The following BBS1 variants were observed in gnomAD, a reference collection of about 807,000 sequenced individuals.
The protein encoded by BBS1 is Bardet-Biedl syndrome 1.
Under a neutral mutation model 73.9 loss-of-function variants are expected in BBS1, and 60 were observed. The observed-to-expected ratio is 0.81, with a 90% CI of 0.66 to 1.01. The LOEUF is 1.01. Among genes scored for constraint, BBS1 ranks in the 50% least tolerant of loss-of-function variants. The probability of loss-of-function intolerance (pLI) is 0.00; values close to 1 mark genes in which losing one functional copy is unlikely to be tolerated. For synonymous variants in BBS1, 283 were observed against 317.4 expected (o/e 0.89, Z 1.15); for missense variants, 718 against 770.3 (o/e 0.93, Z 0.80).
At chr11:66,518,971 C>A (rs930622381) in intron 7 of BBS1, among the ~76,000 whole-genome samples, 2 of 152,270 alleles carry the variant, frequency 1.3e-5, no homozygotes, top group African/African-American at 2.4e-5. Flanking sequence ...CTTTGCTGCC[C>A]AAGCTGGTCT....
chr11:66,517,952 T>TTTTTC (rs1185705176), intron 7 of BBS1, among the ~76,000 whole-genome samples: 1 of 150,712 alleles, frequency 6.6e-6, no homozygotes, highest in African/African-American at 2.4e-5. Context: ...GTCACTTTTT[T>TTTTTC]TTTTCTTTTC....
At chr11:66,530,027 C>T in intron 14 of BBS1, 75 bp downstream of exon 14, 1 of 1,537,742 alleles carries the variant, frequency 6.5e-7, no homozygotes, top group South Asian at 1.2e-5. Flanking sequence ...CTCTGCCACA[C>T]AGCTAAGCCC....
intron 2 of BBS1, 25 bp downstream of exon 2, chr11:66,511,114 T>C (rs778942389): frequency 1.2e-6 from 2 of 1,613,902 alleles, no homozygotes; most frequent in Middle Eastern, 1.7e-4. Flanking sequence ...CCAGGAACCC[T>C]GGGTTCTAGT....
In BBS1 at chr11:66,510,647, G is replaced by T. The variant is rs776510981; in HGVS notation, c.-13G>T. Reference sequence around the variant, plus strand: ...CGAGGGCGGGGCCGGTTGCCAGGACGACGCCTGCGAAGATGGCCGCTGCGT... The same window carrying T: ...CGAGGGCGGGGCCGGTTGCCAGGACTACGCCTGCGAAGATGGCCGCTGCGT... On this transcript the variant is annotated 5_prime_UTR_variant, in exon 1 of 17. Coordinates refer to ENST00000318312, the MANE Select transcript of BBS1 (RefSeq NM_024649.5). 1.2e-6 allele frequency: 2 copies of T among 1,614,004 alleles called. No homozygotes were observed. The highest frequency in any genetic ancestry group is 4.5e-5 in the East Asian group (2 of 44,892).
At chr11:66,529,415 C>G (rs1313738658) in intron 13 of BBS1, 1 of 1,046,424 alleles carries the variant, frequency 9.6e-7, no homozygotes, top group Non-Finnish European at 1.4e-6. Context: ...GCTGGAGACA[C>G]ATGCACAATA....
At chr11:66,521,177 T>G in intron 8 of BBS1, 93 bp from the exon 9 acceptor site, 2 of 955,208 alleles carry the variant, frequency 2.1e-6, no homozygotes, top group Admixed American at 1.8e-5. Context: ...GATTGGGACT[T>G]TAGACCAGGC....
Position 66,523,875 on chromosome 11 carries a change from A to G in BBS1, c.1103A>G (p.His368Arg). 1 of 1,613,076 alleles carries G rather than the reference A, an allele frequency of 6.2e-7. No individual in the cohort carries two copies. The highest frequency in any genetic ancestry group is 8.5e-7 in the Non-Finnish European group (1 of 1,180,022). The change falls in exon 11 of 17, where the codon CAC becomes CGC. Residue 368 changes from histidine (H) to arginine (R), a missense_variant. By Grantham distance (29) the His-to-Arg change is conservative (BLOSUM62 0). Transcript: ENST00000318312. ...GACAAGGCCCTGCTCAATGTCATCC[A>G]CACCCCGGTGAGCCCCATCTCCGGC... ...YRDKALLNVIHTPDAVTSLCF... is the reference protein window; with the variant it reads ...YRDKALLNVIRTPDAVTSLCF...
chr11:66,531,551 G>A, intron 15 of BBS1, 105 bp from the exon 16 acceptor site: 1 of 1,463,968 alleles, frequency 6.8e-7, no homozygotes, highest in South Asian at 1.1e-5. Flanking sequence ...TGCCCACCCT[G>A]CAGGGGTGCT....
rs1198392457 is a variant in BBS1 at position 66,529,841 on chromosome 11, A to G, written c.1362A>G (p.Thr454=). ...AGTAMHRAFQ[T]DLYLLRLRAA... ...CAGCCATGCACCGGGCCTTCCAGACAGACCTATACCTGCTGCGCCTACGTG... is the reference window on the plus strand; with the variant it reads ...CAGCCATGCACCGGGCCTTCCAGACGGACCTATACCTGCTGCGCCTACGTG... Residue 454 remains threonine, a synonymous_variant, in exon 14 of 17, where the codon ACA becomes ACG. Coordinates refer to ENST00000318312, the MANE Select transcript of BBS1 (RefSeq NM_024649.5). 1 of 1,611,182 alleles carries G rather than the reference A, an allele frequency of 6.2e-7. No homozygotes were observed.
chr11:66,511,931 G>A (rs1020729587), intron 3 of BBS1, among the ~76,000 whole-genome samples: 7 of 150,888 alleles, frequency 4.6e-5, no homozygotes, highest in South Asian at 2.1e-4. Context: ...CCCAGGAGGC[G>A]GAGGTTGAGT....
chr11:66,525,987 A>G, intron 11 of BBS1, 136 bp from the exon 12 acceptor site: 1 of 745,276 alleles, frequency 1.3e-6, no homozygotes, highest in South Asian at 1.5e-5. Context: ...TATAGGAAAT[A>G]TTTCAGAGGC....
In BBS1 at chr11:66,526,887, C is replaced by T. The variant is rs552512261; in HGVS notation, c.1339+80C>T. The T allele has an allele frequency of 2.2e-5, 36 of 1,612,268 alleles. No homozygotes were observed. The African/African-American group carries it at 4.1e-4, about 19-fold the overall frequency. ...CAAAGCTGGGGGAATGCTGCCCAGCCTCCCTGTGCACTGGGAGGAGATCTC... is the reference window on the plus strand; with the variant it reads ...CAAAGCTGGGGGAATGCTGCCCAGCTTCCCTGTGCACTGGGAGGAGATCTC... On this transcript the variant is annotated intron_variant, in intron 13 of 16. Coordinates refer to ENST00000318312, the MANE Select transcript of BBS1 (RefSeq NM_024649.5).
intron 9 of BBS1, 153 bp from the exon 10 acceptor site, chr11:66,523,303 C>T (rs1052385349): frequency 9.5e-7 from 1 of 1,056,210 alleles, no homozygotes; most frequent in African/African-American, 1.6e-5. Flanking sequence ...CACACATTTA[C>T]TAAGGTGGCA....
At position 66,528,176 on chromosome 11, in the gene BBS1, A is replaced by C. The variant is rs1257821327; in HGVS notation, c.1339+1369A>C. Among the ~76,000 whole-genome samples the C allele has an allele frequency of 9.2e-5, 14 of 152,312 alleles. 1 individual carries two copies. The highest frequency in any genetic ancestry group is 7.8e-4 in the Admixed American group (12 of 15,292). ...GGTTGCAGTGAACCAAGATCACGCC[A>C]CTGCACTCCAGCCTGGGTGACAAGA... is the stretch of plus-strand genomic sequence containing the variant. On this transcript the variant is annotated intron_variant, in intron 13 of 16. Coordinates refer to ENST00000318312, the MANE Select transcript of BBS1 (RefSeq NM_024649.5).
intron 4 of BBS1, 117 bp from the exon 5 acceptor site, chr11:66,515,423 C>A: frequency 3.6e-6 from 4 of 1,096,444 alleles, no homozygotes; most frequent in Non-Finnish European, 5.6e-6. Context: ...CAGAGGTAGG[C>A]TGGCAGGGAG....
Position 66,532,339 on chromosome 11 carries a change from C to A in BBS1, c.*302C>A. 1 of 446,338 alleles carries A rather than the reference C, an allele frequency of 2.2e-6. No homozygotes were observed. The highest frequency in any genetic ancestry group is 4.1e-6 in the Non-Finnish European group (1 of 241,432). 27.6% of individuals were successfully genotyped at this position (446,338 alleles called of 1,614,324 possible). ...CTGGGCTCAGATCAGAGCTCCGAAG[C>A]GGTCAAAGTGAGCTGAGCAGGACAG... On this transcript the variant is annotated 3_prime_UTR_variant, in exon 17 of 17. Coordinates refer to ENST00000318312, the MANE Select transcript of BBS1 (RefSeq NM_024649.5).
chr11:66,516,572 G>T (rs1856054591), intron 7 of BBS1, among the ~76,000 whole-genome samples: 1 of 151,006 alleles, frequency 6.6e-6, no homozygotes, highest in Non-Finnish European at 1.5e-5. Flanking sequence ...AGGGTAGGGA[G>T]CTGGGTCTTC....
chr11:66,523,971 T>C lies in BBS1; in HGVS notation c.1110+89T>C, dbSNP rs531570803. The C allele has an allele frequency of 1.2e-4, 180 of 1,563,248 alleles. No homozygotes were observed. In the African/African-American group the frequency reaches 2.1e-3, roughly 18 times the overall value. On this transcript the variant is annotated intron_variant, in intron 11 of 16. Coordinates refer to ENST00000318312, the MANE Select transcript of BBS1 (RefSeq NM_024649.5). ...CTTAGCTGCCTCTTCCGACCACACA[T>C]TGATGCATTTCAAAAACATTTGTTG...
intron 10 of BBS1, 40 bp downstream of exon 10, chr11:66,523,616 T>C (rs768239720): frequency 6.2e-7 from 1 of 1,613,496 alleles, no homozygotes; most frequent in Non-Finnish European, 8.5e-7. Context: ...CACGCCTATG[T>C]CCCTAGCCCC....
Sources: allele counts gnomAD v4.1 joint callset (sites outside exome capture counted in the v4.1 genomes callset), GRCh38; gene constraint gnomAD v4.1.1; transcripts MANE v1.5; gene names NCBI Gene and HGNC (gene_info 2026-07-23, HGNC 2026-07-21).